The following TBXA2R variants were observed in gnomAD, a reference collection of about 807,000 sequenced individuals.
The protein encoded by TBXA2R is thromboxane A2 receptor.
In TBXA2R, 15 loss-of-function variants were observed where a neutral mutation model predicts 15.6. The observed-to-expected ratio is 0.96, with a 90% CI of 0.64 to 1.48. The LOEUF (loss-of-function observed/expected upper bound fraction) is 1.48. Ranked by LOEUF, TBXA2R falls within the 40% of genes most tolerant of loss-of-function variation. The pLI is 0.00. For missense variants in TBXA2R, 506 were observed against 491.4 expected (o/e 1.03, Z -0.28); for synonymous variants, 280 against 241.2 (o/e 1.16, Z -1.49).
intron 2 of TBXA2R, among the ~76,000 whole-genome samples, chr19:3,598,313 T>TTTTTC (rs1331248195): frequency 4.6e-5 from 7 of 151,950 alleles, no homozygotes; most frequent in South Asian, 2.1e-4. Context: ...CTTTGGGTTT[T>TTTTTC]TTTTCTTTTC....
At chr19:3,602,633 G>A (rs1273019163) in intron 1 of TBXA2R, among the ~76,000 whole-genome samples, 1 of 151,870 alleles carries the variant, frequency 6.6e-6, no homozygotes, top group Non-Finnish European at 1.5e-5. Flanking sequence ...CCAGCTACTC[G>A]GGAGGCTGAG....
In TBXA2R at chr19:3,595,582, G is replaced by A; in HGVS notation, c.*106C>T. 4.1e-6 allele frequency: 6 copies of A among 1,460,356 alleles called. No individual in the cohort carries two copies. The highest frequency in any genetic ancestry group is 5.4e-6 in the Non-Finnish European group (6 of 1,105,570). The allele number at this position is 1,460,356 out of a possible 1,614,324, so 90.5% of individuals were successfully genotyped here. The stretch of plus-strand genomic sequence containing the variant: ...CAAAACCCTGCTGCTGATGCCCACT[G>A]TCCATCCAGCACCCCCAGCCCCTGA... On this transcript the variant is annotated 3_prime_UTR_variant, in exon 3 of 3. Transcript: ENST00000375190.
intron 1 of TBXA2R, among the ~76,000 whole-genome samples, chr19:3,601,869 G>C (rs2032744397): frequency 6.6e-6 from 1 of 151,894 alleles, no homozygotes; most frequent in African/African-American, 2.4e-5. Context: ...AGAGGTTGCA[G>C]TGAGCCGAGA....
chr19:3,599,085 A>G (rs2032658784), intron 2 of TBXA2R, among the ~76,000 whole-genome samples: 1 of 152,170 alleles, frequency 6.6e-6, no homozygotes, highest in African/African-American at 2.4e-5. Flanking sequence ...TCATCTATCC[A>G]TCAGTAGTTT....
At chr19:3,602,207 C>T (rs563382084) in intron 1 of TBXA2R, among the ~76,000 whole-genome samples, 2 of 152,162 alleles carry the variant, frequency 1.3e-5, no homozygotes. Context: ...GGTGACAGAG[C>T]GAGACTCCGT....
At chr19:3,601,980 G>A (rs1315525871) in intron 1 of TBXA2R, among the ~76,000 whole-genome samples, 1 of 151,904 alleles carries the variant, frequency 6.6e-6, no homozygotes, top group African/African-American at 2.4e-5. Context: ...CCAGCACTTT[G>A]GGAGGCCGAG....
chr19:3,594,721 C>T lies in TBXA2R; in HGVS notation c.*967G>A. 1.1e-6 allele frequency: 1 copy of T among 888,948 alleles called. No individual in the cohort carries two copies. Among genetic ancestry groups the T allele is most frequent in the Non-Finnish European group, 1.7e-6 (1 of 598,560 alleles). 55.1% of individuals were successfully genotyped at this position (888,948 alleles called of 1,614,324 possible). A position where few individuals can be genotyped will look rare whatever the true frequency, so the allele number is the denominator to read the frequency against. On this transcript the variant is annotated 3_prime_UTR_variant, in exon 3 of 3. Transcript: ENST00000375190. ...CTTCCCAGCCCTGCCCTCGTCTGCT[C>T]CGGGTGAGGCCCAATGCACAAACTC...
chr19:3,600,528 A>G lies in TBXA2R; in HGVS notation c.107T>C (p.Val36Ala), dbSNP rs1349948151. 8.1e-6 allele frequency: 13 copies of G among 1,611,904 alleles called. No individual in the cohort carries two copies. The highest frequency in any genetic ancestry group is 1.1e-5 in the Non-Finnish European group (13 of 1,179,090). ...CAGCAGGTTGGAGGCCAGGCCCACC[A>G]CGCAGAAGGAGGCGGCGAACCAGGG... ...ASPWFAASFCVVGLASNLLAL... is the reference protein window; with the variant it reads ...ASPWFAASFCAVGLASNLLAL... The change falls in exon 2 of 3, where the codon GTG (valine) becomes GCG (alanine). Residue 36 changes from valine (V) to alanine (A), a missense_variant. Transcript: ENST00000375190.
In TBXA2R at chr19:3,595,377, T is replaced by C. The variant is rs1568281512; in HGVS notation, c.*311A>G. On this transcript the variant is annotated 3_prime_UTR_variant, in exon 3 of 3. Transcript: ENST00000375190. ...CTGGGGGACAGAGCAAGACTCCGTC[T>C]AAAAAAAAAAATAGCAATGCAAGAC... The C allele has an allele frequency of 4.5e-5, 46 of 1,028,906 alleles. No individual in the cohort carries two copies. The highest frequency in any genetic ancestry group is 5.5e-5 in the Non-Finnish European group (43 of 788,710). The allele number at this position is 1,028,906 out of a possible 1,614,324, so 63.7% of individuals were successfully genotyped here.
At chr19:3,595,976 C>T (rs1425789911) in intron 2 of TBXA2R, 43 bp from the exon 3 acceptor site, 2 of 1,556,478 alleles carry the variant, frequency 1.3e-6, no homozygotes, top group Non-Finnish European at 1.7e-6. Context: ...CGCCTCCAGC[C>T]CCGCCCGCCC....
intron 1 of TBXA2R, among the ~76,000 whole-genome samples, chr19:3,603,810 T>C (rs2032781224): frequency 6.6e-6 from 1 of 152,042 alleles, no homozygotes; most frequent in South Asian, 2.1e-4. Context: ...CACCCTGGCT[T>C]CAGGCGATGG....
intron 2 of TBXA2R, among the ~76,000 whole-genome samples, chr19:3,598,350 C>CTT (rs1177792648): frequency 6.0e-4 from 34 of 56,570 alleles, no homozygotes; most frequent in Admixed American, 1.3e-3. Context: ...CTTTTCTTTT[C>CTT]TTTTTTTTTT....
intron 1 of TBXA2R, among the ~76,000 whole-genome samples, chr19:3,603,035 CAA>C (rs397714160): frequency 7.1e-4 from 97 of 135,836 alleles, no homozygotes; most frequent in Non-Finnish European, 7.9e-4. Flanking sequence ...GACTCCATCT[CAA>C]AAAAAAAAAA....
chr19:3,605,386 C>G (rs1451554882), intron 1 of TBXA2R, among the ~76,000 whole-genome samples: 2 of 152,178 alleles, frequency 1.3e-5, no homozygotes, highest in Non-Finnish European at 2.9e-5. Flanking sequence ...ACACAGCAGA[C>G]ACACAGGCAG....
Position 3,595,196 on chromosome 19 carries a change from C to A in TBXA2R, c.*492G>T. 1.6e-6 allele frequency: 1 copy of A among 609,868 alleles called. No individual in the cohort carries two copies. Among genetic ancestry groups the A allele is most frequent in the Non-Finnish European group, 2.6e-6 (1 of 381,286 alleles). 37.8% of individuals were successfully genotyped at this position (609,868 alleles called of 1,614,324 possible). A position where few individuals can be genotyped will look rare whatever the true frequency, so the allele number is the denominator to read the frequency against. On this transcript the variant is annotated 3_prime_UTR_variant, in exon 3 of 3. Coordinates refer to ENST00000375190, the MANE Select transcript of TBXA2R (RefSeq NM_001060.6). ...GAGTTCAAGACCAGCCTGGCCAACA[C>A]GGTGAAACCCCGTCTCTACTAAAAA...
intron 2 of TBXA2R, among the ~76,000 whole-genome samples, chr19:3,597,169 C>T (rs756569699): frequency 2.6e-5 from 4 of 151,266 alleles, no homozygotes; most frequent in Admixed American, 6.6e-5. Context: ...CTTGAACTCC[C>T]GACCTGAGGT....
In TBXA2R at chr19:3,594,744, C is replaced by T; in HGVS notation, c.*944G>A. On this transcript the variant is annotated 3_prime_UTR_variant, in exon 3 of 3. Coordinates refer to ENST00000375190, the MANE Select transcript of TBXA2R (RefSeq NM_001060.6). ...CTCCGGGTGAGGCCCAATGCACAAA[C>T]TCCAGAGATTGAAAACTTCTGGACC... 8.5e-7 allele frequency: 1 copy of T among 1,182,564 alleles called. No homozygotes were observed. Among genetic ancestry groups the T allele is most frequent in the Non-Finnish European group, 1.2e-6 (1 of 852,816 alleles). 73.3% of individuals were successfully genotyped at this position (1,182,564 alleles called of 1,614,324 possible).
At chr19:3,604,430 G>GT (rs35230357) in intron 1 of TBXA2R, among the ~76,000 whole-genome samples, 79,222 of 151,756 alleles carry the variant, frequency 0.52, 21,526 homozygotes, top group Middle Eastern at 0.6. Context: ...GTGATCCTTG[G>GT]TTCCCAAACA....
intron 1 of TBXA2R, among the ~76,000 whole-genome samples, chr19:3,602,687 G>A (rs1029215557): frequency 8.0e-5 from 12 of 150,072 alleles, no homozygotes; most frequent in Non-Finnish European, 1.5e-5. Context: ...GATGTTTGTG[G>A]GCCGGAAACA....
Sources: allele counts gnomAD v4.1 joint callset (sites outside exome capture counted in the v4.1 genomes callset), GRCh38; gene constraint gnomAD v4.1.1; transcripts MANE v1.5; gene names NCBI Gene and HGNC (gene_info 2026-07-23, HGNC 2026-07-21).